F8: variants seen among roughly 807,000 people sequenced by gnomAD.
F8 encodes antihemophilic factor.
Under a neutral mutation model 140.6 loss-of-function variants are expected in F8, and 12 were observed. That is an observed-to-expected ratio of 0.09 (90% confidence interval 0.05 to 0.14). The LOEUF is 0.14. Ranked by LOEUF, F8 falls within the 10% of genes least tolerant of loss-of-function variation. The pLI, the probability that F8 is intolerant of heterozygous loss-of-function variation, is 1.00. For missense variants in F8, 1,354 were observed against 1,720.7 expected (o/e 0.79, Z 3.77); for synonymous variants, 585 against 614.6 (o/e 0.95, Z 0.71).
chrX:155,009,866 A>G (rs148321573), intron 1 of F8, among the ~76,000 whole-genome samples: 2 of 112,207 alleles, frequency 1.8e-5, no homozygotes, highest in East Asian at 5.6e-4. Flanking sequence ...ACACAGAAAC[A>G]CTTTTTCCCT....
intron 1 of F8, among the ~76,000 whole-genome samples, chrX:155,000,215 C>T (rs2073639281): frequency 8.9e-6 from 1 of 112,090 alleles, no homozygotes; most frequent in African/African-American, 3.2e-5. Context: ...GGCTGGTTCC[C>T]AACTTTTCCT....
At chrX:155,008,486 C>T (rs1215158375) in intron 1 of F8, among the ~76,000 whole-genome samples, 1 of 111,654 alleles carries the variant, frequency 9.0e-6, no homozygotes, top group Admixed American at 9.3e-5. Flanking sequence ...CTGGGGGTGC[C>T]ATCACGCCCA....
intron 24 of F8, 59 bp from the exon 25 acceptor site, chrX:154,860,667 C>T: frequency 3.7e-6 from 4 of 1,078,615 alleles, no homozygotes; most frequent in Middle Eastern, 2.7e-4. Context: ...CCAGAAATTC[C>T]CAAATCCCTC....
chrX:154,842,809 T>TA (rs781870704), intron 25 of F8, among the ~76,000 whole-genome samples: 2 of 112,029 alleles, frequency 1.8e-5, no homozygotes, highest in African/African-American at 6.5e-5. Flanking sequence ...TCTTTTTTTT[T>TA]ATTATACTGT....
chrX:154,904,796 T>C lies in F8; in HGVS notation c.5586+15A>G, dbSNP rs1557276211. ...TTAAACCAAAAAGTGGTCAGCACAATAGACACCTGCTTACCAGGTCAACAT... is the reference window on the plus strand; with the variant it reads ...TTAAACCAAAAAGTGGTCAGCACAACAGACACCTGCTTACCAGGTCAACAT... On this transcript the variant is annotated intron_variant, in intron 16 of 25. Transcript: ENST00000360256. 8.3e-7 allele frequency: 1 copy of C among 1,203,180 alleles called. No homozygotes were observed. The highest frequency in any genetic ancestry group is 1.1e-6 in the Non-Finnish European group (1 of 887,653).
chrX:154,963,343 T>C (rs1298128006), intron 9 of F8, among the ~76,000 whole-genome samples: 1 of 111,915 alleles, frequency 8.9e-6, no homozygotes, highest in Non-Finnish European at 1.9e-5. Flanking sequence ...GCTGAGACAA[T>C]GGTGTTTTCT....
At chrX:154,962,914 G>A (rs1376531847) in intron 9 of F8, among the ~76,000 whole-genome samples, 6 of 110,187 alleles carry the variant, frequency 5.4e-5, no homozygotes, top group Non-Finnish European at 9.5e-5. Context: ...GAGAGAGAGA[G>A]AGAGAGAATG....
At chrX:154,850,072 G>T (rs1391265688) in intron 25 of F8, among the ~76,000 whole-genome samples, 1 of 104,342 alleles carries the variant, frequency 9.6e-6, no homozygotes, top group East Asian at 3.0e-4. Context: ...CAAGGGGTAG[G>T]CAGGCTTGTT....
rs375241473 is a variant in F8 at position 154,966,603 on chromosome X, T to C, written c.1094A>G (p.Tyr365Cys). ...TTCAGAATCAGTAAGATCATCATCA[T>C]AGTCTTCCGCTTCTTCATTATTTTT... Reference protein sequence around the residue: ...RMKNNEEAEDYDDDLTDSEMD... With the variant: ...RMKNNEEAEDCDDDLTDSEMD... The change falls in exon 8 of 26, where the codon TAT becomes TGT. Residue 365 changes from tyrosine (Y) to cysteine (C), a missense_variant. Coordinates refer to ENST00000360256, the MANE Select transcript of F8 (RefSeq NM_000132.4). 2.4e-4 allele frequency: 291 copies of C among 1,209,251 alleles called. No individual in the cohort carries two copies. Among genetic ancestry groups the C allele is most frequent in the Non-Finnish European group, 3.1e-4 (279 of 894,720 alleles).
chrX:154,929,721 T>A lies in F8; in HGVS notation c.4069A>T (p.Thr1357Ser), dbSNP rs782679251. Residue 1357 changes from threonine to serine, a missense_variant, in exon 14 of 26, where the codon ACC (threonine) becomes TCC (serine). Coordinates refer to ENST00000360256, the MANE Select transcript of F8 (RefSeq NM_000132.4). ...EKRIIVDDTSTQWSKNMKHLT... is the reference protein window; with the variant it reads ...EKRIIVDDTSSQWSKNMKHLT... ...TGTTTCATGTTTTTGGACCACTGGG[T>A]TGAGGTGTCATCCACAATTATCCTT... 8 of 1,209,116 alleles carry A rather than the reference T, an allele frequency of 6.6e-6. No individual in the cohort carries two copies. The African/African-American group carries it at 1.4e-4, about 21-fold the overall frequency.
At chrX:154,847,240 G>C (rs1272358443) in intron 25 of F8, among the ~76,000 whole-genome samples, 1 of 111,008 alleles carries the variant, frequency 9.0e-6, no homozygotes, top group African/African-American at 3.3e-5. Flanking sequence ...TTCAACTTTG[G>C]TGAATCTGAC....
intron 22 of F8, among the ~76,000 whole-genome samples, chrX:154,872,723 A>T (rs1181851649): frequency 9.0e-6 from 1 of 111,619 alleles, no homozygotes; most frequent in African/African-American, 3.3e-5. Context: ...AATAAAAAGC[A>T]TCCAAATAGA....
At chrX:154,990,656 T>C (rs1229869544) in intron 4 of F8, among the ~76,000 whole-genome samples, 1 of 111,906 alleles carries the variant, frequency 8.9e-6, no homozygotes, top group African/African-American at 3.2e-5. Flanking sequence ...TCATAATTAA[T>C]GAGAAAGTGC....
At position 154,984,641 on chromosome X, in the gene F8, C is replaced by T. The variant is rs782555891; in HGVS notation, c.787+46G>A. 33 of 982,728 alleles carry T rather than the reference C, an allele frequency of 3.4e-5. 1 individual carries two copies. The South Asian group carries it at 6.3e-4, about 19-fold the overall frequency. The allele number at this position is 982,728 out of a possible 1,213,427, so 81.0% of individuals were successfully genotyped here. ...TGAACTGAAGTACAGAACTCTGGTG[C>T]TGAATTTGGAAGACCCTGAGGATTG... On this transcript the variant is annotated intron_variant, in intron 6 of 25. Coordinates refer to ENST00000360256, the MANE Select transcript of F8 (RefSeq NM_000132.4).
chrX:154,864,706 A>G (rs1353315817), intron 22 of F8, among the ~76,000 whole-genome samples: 1 of 112,273 alleles, frequency 8.9e-6, no homozygotes, highest in Non-Finnish European at 1.9e-5. Flanking sequence ...CTGAACTAAA[A>G]AATTTAATAG....
intron 6 of F8, among the ~76,000 whole-genome samples, chrX:154,975,643 T>C (rs936865157): frequency 8.9e-6 from 1 of 112,165 alleles, no homozygotes; most frequent in East Asian, 2.8e-4. Context: ...GATCTGTCCA[T>C]TGGTGAAAGT....
rs782028903 is a variant in F8, at chrX:154,904,507, T to A, written c.5604A>T (p.Ser1868=). 39 of 1,206,202 alleles carry A rather than the reference T, an allele frequency of 3.2e-5. No homozygotes were observed. The highest frequency in any genetic ancestry group is 4.0e-5 in the Non-Finnish European group (36 of 891,966). ...AGACCAGAAGGGGTCCAATCAGGCC[T>A]GAGTGCACATCTTTTTCCTAGGGAG... ...SDVDLEKDVH[S]GLIGPLLVCH... is the part of the protein sequence containing the mutation. Residue 1868 remains serine, a synonymous_variant, in exon 17 of 26, where the codon TCA becomes TCT. Coordinates refer to ENST00000360256, the MANE Select transcript of F8 (RefSeq NM_000132.4).
At chrX:154,933,231 A>T (rs1238999850) in intron 13 of F8, among the ~76,000 whole-genome samples, 3 of 112,533 alleles carry the variant, frequency 2.7e-5, no homozygotes, top group Non-Finnish European at 3.8e-5. Context: ...AAAAATTAAG[A>T]AATTTCACAT....
chrX:154,972,703 C>CTTTTTT (rs1557282690), intron 6 of F8, among the ~76,000 whole-genome samples: 8 of 64,678 alleles, frequency 1.2e-4, no homozygotes, highest in African/African-American at 5.5e-4. Flanking sequence ...TTCTTTCTGT[C>CTTTTTT]TTTCTTTTTT....
Sources: gnomAD v4.1 joint callset for allele counts (sites outside exome capture counted in the v4.1 genomes callset) on GRCh38, gnomAD v4.1.1 for gene constraint, MANE v1.5 for transcripts, NCBI Gene and HGNC (gene_info 2026-07-23, HGNC 2026-07-21) for gene names.